NDUFA5: variants seen among roughly 807,000 people sequenced by gnomAD.
The protein encoded by NDUFA5 is NADH:ubiquinone oxidoreductase subunit A5.
NDUFA5 carries 11 observed loss-of-function variants against 19.8 expected under a neutral mutation model. That is an observed-to-expected ratio of 0.56 (90% CI 0.35 to 0.92). The LOEUF (loss-of-function observed/expected upper bound fraction) is 0.92, where lower values mean the gene tolerates loss of function less well. NDUFA5 is among the 40% of genes least tolerant of loss of function. The probability of loss-of-function intolerance (pLI) is 0.01; values close to 1 mark genes in which losing one functional copy is unlikely to be tolerated. For missense variants in NDUFA5, 109 were observed against 134.2 expected, an observed-to-expected ratio of 0.81 and a Z score of 0.93; for synonymous variants, 47 against 46.8, an observed-to-expected ratio of 1.00 and a Z score of -0.01.
rs1797871678 is a variant in NDUFA5 at position 123,539,968 on chromosome 7, A to G, written c.*2151T>C. 6.6e-6 allele frequency: 1 copy of G among 152,234 alleles called. No homozygotes were observed. Among genetic ancestry groups the G allele is most frequent in the Non-Finnish European group, 1.5e-5 (1 of 68,054 alleles). The allele number at this position is 152,234 out of a possible 1,614,324, so 9.4% of individuals were successfully genotyped here. A position where few individuals can be genotyped will look rare whatever the true frequency, so the allele number is the denominator to read the frequency against. Reference sequence around the variant, plus strand: ...TAAATAATAATATAACAGGAGCATCAGTTCTAGAACCAGACTGCCTGGGTT... The same window carrying G: ...TAAATAATAATATAACAGGAGCATCGGTTCTAGAACCAGACTGCCTGGGTT... On this transcript the variant is annotated 3_prime_UTR_variant, in exon 5 of 5. Transcript: ENST00000355749.
chr7:123,593,979 T>C, the NDUFA5 span, among the ~76,000 whole-genome samples: 1 of 152,142 alleles, frequency 6.6e-6, no homozygotes, highest in Admixed American at 6.5e-5. Context: ...TGTTCATTTC[T>C]TTTCACTCTT....
chr7:123,550,411 G>C (rs1045897506), intron 3 of NDUFA5, 59 bp downstream of exon 3: 13 of 1,001,240 alleles, frequency 1.3e-5, no homozygotes, highest in Non-Finnish European at 2.0e-5. Context: ...AAAAAATAAG[G>C]AACTAAACTT....
upstream of NDUFA5, among the ~76,000 whole-genome samples, chr7:123,561,809 G>A (rs1182477376): frequency 1.3e-5 from 2 of 151,824 alleles, no homozygotes; most frequent in Non-Finnish European, 2.9e-5. Flanking sequence ...TCTTGGCCGG[G>A]CTGGTCTTGA....
At chr7:123,550,740 T>G (rs1423973944) in intron 2 of NDUFA5, among the ~76,000 whole-genome samples, 154 bp from the exon 3 acceptor site, 17 of 150,924 alleles carry the variant, frequency 1.1e-4, no homozygotes, top group Non-Finnish European at 1.5e-5. Context: ...CTGACTTCTT[T>G]ATGTCTGTGC....
intron 2 of NDUFA5, chr7:123,557,095 G>A (rs1245021126): frequency 1.7e-6 from 1 of 591,040 alleles, no homozygotes; most frequent in Non-Finnish European, 3.2e-6. Flanking sequence ...AAGGCAAGGA[G>A]AAAAGATGGA....
chr7:123,589,952 C>T, the NDUFA5 span, among the ~76,000 whole-genome samples: 2 of 152,140 alleles, frequency 1.3e-5, no homozygotes, highest in African/African-American at 4.8e-5. Context: ...TAAAAGCGTT[C>T]CTATTTCTCC....
the NDUFA5 span, among the ~76,000 whole-genome samples, chr7:123,580,169 AG>A: frequency 6.6e-6 from 1 of 152,044 alleles, no homozygotes; most frequent in Non-Finnish European, 1.5e-5. Context: ...GTGGCAAGAA[AG>A]GGCATTTGAA....
At chr7:123,595,454 T>C in the NDUFA5 span, among the ~76,000 whole-genome samples, 368 of 152,346 alleles carry the variant, frequency 2.4e-3, 1 homozygote, top group Admixed American at 8.5e-3. Flanking sequence ...TCAGCACAGA[T>C]GTGTTCCCTC....
intron 3 of NDUFA5, chr7:123,546,648 A>G (rs1798143563): frequency 7.8e-7 from 1 of 1,277,696 alleles, no homozygotes; most frequent in Non-Finnish European, 1.0e-6. Flanking sequence ...AAAGAGGGAG[A>G]AAATAATACA....
At chr7:123,542,964 A>G (rs780267827) in intron 4 of NDUFA5, among the ~76,000 whole-genome samples, 3 of 152,222 alleles carry the variant, frequency 2.0e-5, no homozygotes, top group Non-Finnish European at 2.9e-5. Context: ...GATGAATACT[A>G]TTAAACACCT....
chr7:123,545,481 C>G, intron 4 of NDUFA5, 130 bp downstream of exon 4: 1 of 693,738 alleles, frequency 1.4e-6, no homozygotes, highest in Non-Finnish European at 2.5e-6. Flanking sequence ...ACCACATTTT[C>G]TATATGTGAT....
intron 3 of NDUFA5, among the ~76,000 whole-genome samples, chr7:123,548,756 A>G (rs1362129760): frequency 6.6e-6 from 1 of 152,116 alleles, no homozygotes; most frequent in African/African-American, 2.4e-5. Flanking sequence ...CATGCAGATA[A>G]AGGTAGCTAA....
chr7:123,562,795 TTTC>T (rs1473262616), upstream of NDUFA5, among the ~76,000 whole-genome samples: 1 of 121,030 alleles, frequency 8.3e-6, no homozygotes, highest in African/African-American at 3.3e-5. Flanking sequence ...TCTTTCTTTC[TTTC>T]TTTTTTTTTT....
chr7:123,543,121 C>A (rs1457033415), intron 4 of NDUFA5, among the ~76,000 whole-genome samples: 2 of 152,102 alleles, frequency 1.3e-5, no homozygotes, highest in African/African-American at 4.8e-5. Context: ...CTATAAAAAA[C>A]AATGAGTTAA....
intron 2 of NDUFA5, chr7:123,555,497 C>T (rs1262893604): frequency 6.6e-6 from 1 of 152,114 alleles, no homozygotes; most frequent in African/African-American, 2.4e-5. Flanking sequence ...AAGAGAAATA[C>T]CAACTATGAT....
chr7:123,551,617 C>T (rs1193378247), intron 2 of NDUFA5: 2 of 498,514 alleles, frequency 4.0e-6, no homozygotes, highest in East Asian at 1.5e-4. Context: ...TCTGTATGAT[C>T]AAATTTAACT....
At chr7:123,593,528 A>G in the NDUFA5 span, among the ~76,000 whole-genome samples, 44,775 of 152,040 alleles carry the variant, frequency 0.29, 6,735 homozygotes, top group East Asian at 0.41. Flanking sequence ...CTTCACTTAC[A>G]AAGCTTAGTT....
chr7:123,599,786 G>A, the NDUFA5 span, among the ~76,000 whole-genome samples: 20 of 152,236 alleles, frequency 1.3e-4, 1 homozygote, highest in East Asian at 1.5e-3. Context: ...GAAGGAATGC[G>A]TATTTGGATG....
At chr7:123,551,532 C>T (rs901159003) in intron 2 of NDUFA5, 32 of 977,560 alleles carry the variant, frequency 3.3e-5, no homozygotes, top group East Asian at 1.1e-4. Flanking sequence ...AAGTGAGGTC[C>T]GAAGCACTGC....
Sources: allele counts gnomAD v4.1 joint callset (sites outside exome capture counted in the v4.1 genomes callset), GRCh38; gene constraint gnomAD v4.1.1; transcripts MANE v1.5; gene names NCBI Gene and HGNC (gene_info 2026-07-23, HGNC 2026-07-21).